The following UGT1A3 variants were observed in gnomAD, a reference collection of about 807,000 sequenced individuals.
UGT1A3 encodes the protein UDP glucuronosyltransferase family 1 member A3, also known as UDP-glucuronosyltransferase 1A3.
A neutral mutation model predicts 41.0 loss-of-function variants in UGT1A3; 31 were observed. The ratio of observed to expected loss-of-function variants is 0.76; its 90% CI spans 0.57 to 1.02. The LOEUF is 1.02. Ranked by LOEUF, UGT1A3 falls within the 50% of genes least tolerant of loss-of-function variation. UGT1A3 has a pLI of 0.00. For missense variants in UGT1A3, 737 were observed against 671.0 expected, an observed-to-expected ratio of 1.10 and a Z score of -1.09; for synonymous variants, 262 against 257.6, an observed-to-expected ratio of 1.02 and a Z score of -0.17.
At chr2:233,747,752 A>C in intron 1 of UGT1A3, 1 of 1,613,466 alleles carries the variant, frequency 6.2e-7, no homozygotes, top group Non-Finnish European at 8.5e-7. Context: ...CATGTGATTT[A>C]GACTTTAAGG....
At chr2:233,767,613 G>C (rs1438949419) in intron 2 of UGT1A3, among the ~76,000 whole-genome samples, 4 of 152,108 alleles carry the variant, frequency 2.6e-5, no homozygotes, top group African/African-American at 9.7e-5. Flanking sequence ...AAAATCCTAA[G>C]TGCACAGCTT....
intron 1 of UGT1A3, chr2:233,760,247 T>TAA: frequency 6.2e-7 from 1 of 1,608,794 alleles, no homozygotes; most frequent in Non-Finnish European, 8.5e-7. Flanking sequence ...TATATATATA[T>TAA]AAGTAGGAGA....
chr2:233,767,164 C>T lies in UGT1A3; in HGVS notation c.998C>T (p.Thr333Ile). 1.2e-6 allele frequency: 2 copies of T among 1,614,090 alleles called. No individual in the cohort carries two copies. The highest frequency in any genetic ancestry group is 1.7e-6 in the Non-Finnish European group (2 of 1,180,006). Reference sequence around the variant, plus strand: ...GATGCTTTGGGCAAAATCCCTCAGACAGTAAGAAGATTCTATACCATGGCC... The same window carrying T: ...GATGCTTTGGGCAAAATCCCTCAGATAGTAAGAAGATTCTATACCATGGCC... ...IADALGKIPQTVLWRYTGTRP... is the reference protein window; with the variant it reads ...IADALGKIPQIVLWRYTGTRP... Residue 333 changes from threonine to isoleucine, a missense_variant and splice_region_variant, in exon 2 of 5, where the codon ACA (threonine) becomes ATA (isoleucine). By Grantham distance (89) the Thr-to-Ile change is moderately conservative. Transcript: ENST00000482026.
At chr2:233,748,739 G>A (rs572551381) in intron 1 of UGT1A3, among the ~76,000 whole-genome samples, 1 of 151,736 alleles carries the variant, frequency 6.6e-6, no homozygotes, top group Admixed American at 6.5e-5. Flanking sequence ...ACATCTCAGA[G>A]TTCGGAAGGC....
chr2:233,729,903 G>C lies in UGT1A3; in HGVS notation c.777G>C (p.Gly259=), dbSNP rs2077945503. The C allele has an allele frequency of 6.2e-7, 1 of 1,613,906 alleles. No homozygotes were observed. Among genetic ancestry groups the C allele is most frequent in the East Asian group, 2.2e-5 (1 of 44,878 alleles). The change falls in exon 1 of 5, where the codon GGG becomes GGC. Residue 259 remains glycine (G), a synonymous_variant. Coordinates refer to ENST00000482026, the MANE Select transcript of UGT1A3 (RefSeq NM_019093.4). ...LSHASVWLFR[G]DFVMDYPRPI... ...ATGCATCTGTGTGGCTGTTCCGAGG[G>C]GACTTTGTGATGGACTACCCCAGGC...
intron 1 of UGT1A3, among the ~76,000 whole-genome samples, chr2:233,759,713 T>TGGTG (rs1157954887): frequency 2.6e-5 from 4 of 151,594 alleles, no homozygotes; most frequent in African/African-American, 9.7e-5. Flanking sequence ...CGTGCTCGTG[T>TGGTG]GGTGGGCTCT....
intron 1 of UGT1A3, chr2:233,742,090 C>T (rs539350164): frequency 2.6e-5 from 4 of 151,950 alleles, no homozygotes; most frequent in Admixed American, 1.3e-4. Flanking sequence ...TTTTACATTT[C>T]CAGGACCCAC....
intron 1 of UGT1A3, among the ~76,000 whole-genome samples, chr2:233,730,968 A>T (rs552248982): frequency 2.6e-5 from 4 of 152,134 alleles, no homozygotes; most frequent in East Asian, 1.9e-4. Context: ...GTACTCTGGG[A>T]CCTGAATATT....
chr2:233,765,404 C>T (rs746281443), intron 1 of UGT1A3, among the ~76,000 whole-genome samples: 4 of 152,166 alleles, frequency 2.6e-5, no homozygotes, highest in Non-Finnish European at 2.9e-5. Flanking sequence ...GGTACATATA[C>T]ACCATGGAAT....
rs574966930 is a variant in UGT1A3 at position 233,766,325 on chromosome 2, G to A, written c.868-709G>A. ...CCTCCGACTGCCTCAGCCAAACTCC[G>A]CGTTGTTCTGCTGGTCAGTGGCCTG... On this transcript the variant is annotated intron_variant, in intron 1 of 4. Coordinates refer to ENST00000482026, the MANE Select transcript of UGT1A3 (RefSeq NM_019093.4). Among the ~76,000 whole-genome samples the A allele has an allele frequency of 2.9e-4, 44 of 152,228 alleles. 1 individual carries two copies. The highest frequency in any genetic ancestry group is 4.6e-4 in the Admixed American group (7 of 15,302).
chr2:233,743,388 G>A (rs1692276435), intron 1 of UGT1A3: 2 of 1,234,066 alleles, frequency 1.6e-6, no homozygotes, highest in Non-Finnish European at 2.2e-6. Flanking sequence ...CGTAGGACAT[G>A]CAGAAGGAAG....
In UGT1A3 at chr2:233,767,833, T is replaced by C; in HGVS notation, c.1000-16T>C. On this transcript the variant is annotated splice_polypyrimidine_tract_variant and intron_variant, in intron 2 of 4. Transcript: ENST00000482026. ...TATGTTCTTTCTTTACGTTCTGCTC[T>C]TTTTGCCCCTCCCAGGTCCTGTGGC... 2 of 1,614,174 alleles carry C rather than the reference T, an allele frequency of 1.2e-6. No homozygotes were observed. Among genetic ancestry groups the C allele is most frequent in the Non-Finnish European group, 1.7e-6 (2 of 1,180,036 alleles).
intron 1 of UGT1A3, among the ~76,000 whole-genome samples, chr2:233,740,368 A>C (rs1423573410): frequency 6.6e-6 from 1 of 151,928 alleles, no homozygotes; most frequent in Non-Finnish European, 1.5e-5. Flanking sequence ...AATTCCTAGA[A>C]AGGTAAGTTG....
intron 1 of UGT1A3, among the ~76,000 whole-genome samples, chr2:233,746,234 G>T (rs923887005): frequency 6.6e-6 from 1 of 151,756 alleles, no homozygotes; most frequent in African/African-American, 2.4e-5. Context: ...TATGCAAACT[G>T]CTAAAAGATA....
At chr2:233,731,855 G>A (rs1025455629) in intron 1 of UGT1A3, among the ~76,000 whole-genome samples, 3 of 152,256 alleles carry the variant, frequency 2.0e-5, no homozygotes, top group African/African-American at 2.4e-5. Flanking sequence ...TTGAGGAATC[G>A]CCACACTGTC....
intron 1 of UGT1A3, among the ~76,000 whole-genome samples, chr2:233,735,156 T>G (rs2078613836): frequency 6.6e-6 from 1 of 152,214 alleles, no homozygotes; most frequent in Non-Finnish European, 1.5e-5. Context: ...TCTAAGTCTC[T>G]GTGTAGGTCT....
intron 1 of UGT1A3, among the ~76,000 whole-genome samples, chr2:233,757,380 C>T (rs980413878): frequency 1.3e-5 from 2 of 151,206 alleles, no homozygotes; most frequent in African/African-American, 4.9e-5. Context: ...CCAGATTCAG[C>T]ACTTACTTGC....
Position 233,769,129 on chromosome 2 carries a change from C to T in UGT1A3, c.1307+690C>T, listed in dbSNP as rs1228379721. Among the ~76,000 whole-genome samples, 1 of 152,120 alleles carries T rather than the reference C, an allele frequency of 6.6e-6. No homozygotes were observed. The highest frequency in any genetic ancestry group is 1.9e-4 in the East Asian group (1 of 5,198). On this transcript the variant is annotated intron_variant, in intron 4 of 4. Coordinates refer to ENST00000482026, the MANE Select transcript of UGT1A3 (RefSeq NM_019093.4). This position sits in a 1 kb window ranked among gnomAD's most constrained non-coding sequence, Gnocchi z 4.4. ...AAAACAACTCAAATGCTTAGAAGTA[C>T]AGCTTTTTGCAGCACTGGAACCTGT...
chr2:233,750,907 A>G (rs908558459), intron 1 of UGT1A3, among the ~76,000 whole-genome samples: 1 of 151,862 alleles, frequency 6.6e-6, no homozygotes, highest in Non-Finnish European at 1.5e-5. Flanking sequence ...TCTGCTAGAG[A>G]AGGGTGGTAA....
Sources: allele counts gnomAD v4.1 joint callset (sites outside exome capture counted in the v4.1 genomes callset), GRCh38; gene constraint gnomAD v4.1.1; non-coding constraint Gnocchi (gnomAD v3.1); transcripts MANE v1.5; gene names NCBI Gene and HGNC (gene_info 2026-07-23, HGNC 2026-07-21).